The following MYO1F variants were observed in gnomAD, a reference collection of about 807,000 sequenced individuals.
MYO1F encodes the protein unconventional myosin-If.
In MYO1F, 60 loss-of-function variants were observed where a neutral mutation model predicts 146.6. That is an observed-to-expected ratio of 0.41 (90% CI 0.33 to 0.51). MYO1F has a LOEUF of 0.51. Ranked by LOEUF, MYO1F falls within the 20% of genes least tolerant of loss-of-function variation. The probability of loss-of-function intolerance (pLI) is 0.25; values close to 1 mark genes in which losing one functional copy is unlikely to be tolerated. For missense variants in MYO1F, 1,274 were observed against 1,534.3 expected, an observed-to-expected ratio of 0.83 and a Z score of 2.83; for synonymous variants, 602 against 602.1, an observed-to-expected ratio of 1.00 and a Z score of 0.00.
intron 1 of MYO1F, among the ~76,000 whole-genome samples, chr19:8,558,068 C>G (rs1973930892): frequency 6.6e-6 from 1 of 152,168 alleles, no homozygotes; most frequent in Admixed American, 6.6e-5. Flanking sequence ...CCGTGGCCTT[C>G]TCCTCTGTGT....
intron 12 of MYO1F, among the ~76,000 whole-genome samples, chr19:8,546,743 A>G (rs1425515436): frequency 6.6e-6 from 1 of 152,020 alleles, no homozygotes; most frequent in African/African-American, 2.4e-5. Flanking sequence ...CAATGGCACA[A>G]TCTCGACTCA....
intron 17 of MYO1F, 84 bp from the exon 18 acceptor site, chr19:8,536,681 C>G (rs1972735666): frequency 1.6e-6 from 1 of 634,456 alleles, no homozygotes; most frequent in East Asian, 4.0e-5. Context: ...AGGTGGGGGA[C>G]CTGGGGGGAT....
In MYO1F at chr19:8,527,456, G is replaced by A. The variant is rs1212218321; in HGVS notation, c.2356C>T (p.Pro786Ser). 1 of 1,613,924 alleles carries A rather than the reference G, an allele frequency of 6.2e-7. No homozygotes were observed. The highest frequency in any genetic ancestry group is 8.5e-7 in the Non-Finnish European group (1 of 1,180,020). Residue 786 changes from proline to serine, a missense_variant, in exon 22 of 28, where the codon CCC becomes TCC. Coordinates refer to ENST00000644032, the MANE Select transcript of MYO1F (RefSeq NM_012335.4). ...CGCCCAATCACATACACACACTTGG[G>A]CGTCAGGATCAAGTCCCGCTTGATG... ...KPIKRDLILT[P>S]KCVYVIGREK...
intron 1 of MYO1F, among the ~76,000 whole-genome samples, chr19:8,561,723 TTTTG>T (rs1399249233): frequency 1.3e-5 from 2 of 151,142 alleles, no homozygotes; most frequent in African/African-American, 2.4e-5. Context: ...CTATCTTTTT[TTTTG>T]TTTGTTTGAG....
At chr19:8,563,684 G>T in intron 1 of MYO1F, among the ~76,000 whole-genome samples, 1 of 151,278 alleles carries the variant, frequency 6.6e-6, no homozygotes. Context: ...AATTTTTTTT[G>T]TATTTTTAGT....
Position 8,551,439 on chromosome 19 carries a change from C to T in MYO1F, c.771+301G>A, listed in dbSNP as rs74178106. The T allele has an allele frequency of 6.7e-3, 2,223 of 333,552 alleles. 18 individuals are homozygous for T. Among genetic ancestry groups the T allele is most frequent in the South Asian group, 9.4e-3 (353 of 37,460 alleles). The allele number at this position is 333,552 out of a possible 1,614,324, so 20.7% of individuals were successfully genotyped here. A position where few individuals can be genotyped will look rare whatever the true frequency, so the allele number is the denominator to read the frequency against. On this transcript the variant is annotated intron_variant, in intron 8 of 27. Coordinates refer to ENST00000644032, the MANE Select transcript of MYO1F (RefSeq NM_012335.4). ...TGATCTCGGCTCACTGCAACTTCCA[C>T]CTCCCGTTTTCAAGCAATTTTCCTG...
At chr19:8,524,621 AGGATCTT>A (rs1971213051) in intron 25 of MYO1F, among the ~76,000 whole-genome samples, 1 of 151,066 alleles carries the variant, frequency 6.6e-6, no homozygotes, top group Non-Finnish European at 1.5e-5. Flanking sequence ...TGGTAGAGAC[AGGATCTT>A]GCTATGTTGC....
intron 13 of MYO1F, among the ~76,000 whole-genome samples, 172 bp from the exon 14 acceptor site, chr19:8,544,636 G>C (rs897206099): frequency 9.2e-5 from 14 of 151,864 alleles, no homozygotes; most frequent in Non-Finnish European, 1.9e-4. Flanking sequence ...GGCGTTGCAG[G>C]GGTCAGGGAT....
intron 14 of MYO1F, among the ~76,000 whole-genome samples, chr19:8,543,726 CTGGTGGTGCT>C (rs1973114535): frequency 8.0e-5 from 1 of 12,442 alleles, no homozygotes; most frequent in Non-Finnish European, 1.6e-4. Flanking sequence ...GGTGGTGGTG[CTGGTGGTGCT>C]GGTGGTGCTG....
intron 25 of MYO1F, among the ~76,000 whole-genome samples, chr19:8,524,143 G>A (rs1434757844): frequency 6.2e-4 from 56 of 89,614 alleles, no homozygotes; most frequent in African/African-American, 1.3e-3. Flanking sequence ...AAAAAAGGCC[G>A]GGCGCGGTGG....
chr19:8,522,621 C>G lies in MYO1F; in HGVS notation c.3050+13G>C. The G allele has an allele frequency of 6.2e-7, 1 of 1,612,342 alleles. No homozygotes were observed. The highest frequency in any genetic ancestry group is 8.5e-7 in the Non-Finnish European group (1 of 1,179,400). Reference sequence around the variant, plus strand: ...CTGCCCACCTCCTGGAGCTGCCCTCCCACCCCACCTACCCGGCCATGCCCT... The same window carrying G: ...CTGCCCACCTCCTGGAGCTGCCCTCGCACCCCACCTACCCGGCCATGCCCT... On this transcript the variant is annotated intron_variant, in intron 26 of 27. Transcript: ENST00000644032.
At chr19:8,558,169 CT>C (rs1973935377) in intron 1 of MYO1F, among the ~76,000 whole-genome samples, 2 of 147,108 alleles carry the variant, frequency 1.4e-5, no homozygotes, top group South Asian at 2.1e-4. Context: ...TTTTTCTTTT[CT>C]TTTTTTCTTT....
At chr19:8,533,504 G>A (rs774869032) in intron 19 of MYO1F, among the ~76,000 whole-genome samples, 9 of 151,816 alleles carry the variant, frequency 5.9e-5, no homozygotes, top group African/African-American at 1.7e-4. Flanking sequence ...ACAGGCGCCC[G>A]CCACCATGCC....
intron 19 of MYO1F, among the ~76,000 whole-genome samples, chr19:8,532,901 A>AAAATATATATAT (rs1172873322): frequency 8.4e-5 from 4 of 47,826 alleles, no homozygotes; most frequent in African/African-American, 4.3e-4. Flanking sequence ...AAAAAAAAAA[A>AAAATATATATAT]ATACACACAC....
Position 8,562,470 on chromosome 19 carries a change from G to T in MYO1F, c.4-6674C>A, listed in dbSNP as rs1048624343. 5.3e-5 allele frequency among the ~76,000 whole-genome samples: 8 copies of T among 152,090 alleles called. No individual in the cohort carries two copies. The East Asian group carries it at 9.6e-4, about 18-fold the overall frequency. On this transcript the variant is annotated intron_variant, in intron 1 of 27. Coordinates refer to ENST00000644032, the MANE Select transcript of MYO1F (RefSeq NM_012335.4). Reference sequence around the variant, plus strand: ...CTATGGGTGGAAGCCACTGGGCCCAGCTGGGAGATTTTAGTTTTGTTCAGT... The same window carrying T: ...CTATGGGTGGAAGCCACTGGGCCCATCTGGGAGATTTTAGTTTTGTTCAGT...
At chr19:8,543,413 G>A (rs1415505113) in intron 14 of MYO1F, among the ~76,000 whole-genome samples, 2 of 151,902 alleles carry the variant, frequency 1.3e-5, no homozygotes, top group African/African-American at 4.8e-5. Context: ...GGGCCTGGGG[G>A]CTTTGGGGAT....
rs772755394 is a variant in MYO1F at position 8,530,525 on chromosome 19, G to C, written c.2092C>G (p.Arg698Gly). The C allele has an allele frequency of 6.2e-7, 1 of 1,613,460 alleles. No individual in the cohort carries two copies. The highest frequency in any genetic ancestry group is 8.5e-7 in the Non-Finnish European group (1 of 1,180,028). ...VRERKFDGFA[R>G]TIQKAWRRHV... ...CGCCGCCAGGCCTTCTGGATGGTTC[G>C]GGCAAAGCCATCGAACTTTCGCTCT... Residue 698 changes from arginine (R) to glycine (G), a missense_variant, in exon 20 of 28, where the codon CGA becomes GGA. Physicochemically the swap from Arg to Gly is moderately radical, Grantham distance 125. Around this residue, in one of 2 missense-constraint regions of MYO1F, gnomAD observed 900 missense variants for 1,155.1 expected, o/e 0.78. Transcript: ENST00000644032. This position sits in a 1 kb window ranked among gnomAD's most constrained non-coding sequence, Gnocchi z 5.8.
chr19:8,532,901 A>AAGAC (rs1172873322), intron 19 of MYO1F, among the ~76,000 whole-genome samples: 1 of 47,826 alleles, frequency 2.1e-5, no homozygotes, highest in Admixed American at 2.4e-4. Context: ...AAAAAAAAAA[A>AAGAC]ATACACACAC....
chr19:8,558,594 C>G (rs1973951568), intron 1 of MYO1F, among the ~76,000 whole-genome samples: 3 of 152,162 alleles, frequency 2.0e-5, no homozygotes, highest in Admixed American at 1.3e-4. Context: ...GCCTTAAACA[C>G]CCTGGCTTTC....
Sources: gnomAD v4.1 joint callset for allele counts (sites outside exome capture counted in the v4.1 genomes callset) on GRCh38, gnomAD v4.1.1 for gene constraint, gnomAD v4.1.1 regional missense constraint, Gnocchi (gnomAD v3.1) non-coding constraint, MANE v1.5 for transcripts, NCBI Gene and HGNC (gene_info 2026-07-23, HGNC 2026-07-21) for gene names.